GALNT18: variants seen among roughly 807,000 people sequenced by gnomAD.
The protein encoded by GALNT18 is GalNAc-transferase 18.
In GALNT18, 44 loss-of-function variants were observed where a neutral mutation model predicts 69.5. That is an observed-to-expected ratio of 0.63 (90% CI 0.50 to 0.81). The LOEUF is 0.81. Among genes scored for constraint, GALNT18 ranks in the 40% least tolerant of loss-of-function variants. GALNT18 has a pLI of 0.00. For missense variants in GALNT18, 715 were observed against 810.0 expected, an observed-to-expected ratio of 0.88 and a Z score of 1.42; for synonymous variants, 364 against 318.2, an observed-to-expected ratio of 1.14 and a Z score of -1.53.
At chr11:11,547,308 C>T (rs1316922194) in intron 1 of GALNT18, among the ~76,000 whole-genome samples, 1 of 152,160 alleles carries the variant, frequency 6.6e-6, no homozygotes, top group African/African-American at 2.4e-5. Flanking sequence ...TGGAGGCAGC[C>T]ACAGAGGAGC....
intron 1 of GALNT18, among the ~76,000 whole-genome samples, chr11:11,472,893 G>A (rs909188239): frequency 4.6e-5 from 7 of 152,178 alleles, no homozygotes; most frequent in African/African-American, 1.7e-4. Flanking sequence ...TCAGGAGGCT[G>A]AGGTGAGAAG....
chr11:11,560,196 G>GATGGAATAGAA (rs1565012900), intron 1 of GALNT18, among the ~76,000 whole-genome samples: 2 of 120,364 alleles, frequency 1.7e-5, no homozygotes, highest in Non-Finnish European at 3.5e-5. Context: ...GATGGGATGG[G>GATGGAATAGAA]TGAGATAGAA....
At chr11:11,416,418 T>C (rs1312071018) in intron 3 of GALNT18, among the ~76,000 whole-genome samples, 1 of 152,212 alleles carries the variant, frequency 6.6e-6, no homozygotes, top group Non-Finnish European at 1.5e-5. Flanking sequence ...CCAAGGATGC[T>C]GGGAACCTGA....
chr11:11,527,944 G>T (rs1857557597), intron 1 of GALNT18, among the ~76,000 whole-genome samples: 1 of 152,220 alleles, frequency 6.6e-6, no homozygotes, highest in Non-Finnish European at 1.5e-5. Context: ...CTGGATATTT[G>T]CTGAGCATTT....
chr11:11,276,993 C>A (rs1848964057), intron 10 of GALNT18, among the ~76,000 whole-genome samples: 1 of 152,074 alleles, frequency 6.6e-6, no homozygotes, highest in Non-Finnish European at 1.5e-5. Context: ...GTGTCTCTGC[C>A]AGGTTTTGGT....
At position 11,555,577 on chromosome 11, in the gene GALNT18, A is replaced by C. The variant is rs750420309; in HGVS notation, c.235+65782T>G. Among the ~76,000 whole-genome samples the C allele has an allele frequency of 6.6e-6, 1 of 152,210 alleles. No individual in the cohort carries two copies. Among genetic ancestry groups the C allele is most frequent in the Non-Finnish European group, 1.5e-5 (1 of 68,040 alleles). On this transcript the variant is annotated intron_variant, in intron 1 of 10. Coordinates refer to ENST00000227756, the MANE Select transcript of GALNT18 (RefSeq NM_198516.3). The surrounding 1 kb of genome is among the most constrained non-coding windows in gnomAD (Gnocchi z 4.7). ...CTAATCTCCAGAACTATGAGAGAAT[A>C]AATTCCTGTTGTTTTAAGCCACCCA...
chr11:11,513,711 A>G (rs1857209030), intron 1 of GALNT18, among the ~76,000 whole-genome samples: 1 of 152,206 alleles, frequency 6.6e-6, no homozygotes, highest in Non-Finnish European at 1.5e-5. Context: ...ATTTCCCGGG[A>G]CGTTTACATA....
Position 11,315,967 on chromosome 11 carries a change from T to C in GALNT18, c.1512+11119A>G, listed in dbSNP as rs985739525. On this transcript the variant is annotated intron_variant, in intron 9 of 10. Coordinates refer to ENST00000227756, the MANE Select transcript of GALNT18 (RefSeq NM_198516.3). This position sits in a 1 kb window ranked among gnomAD's most constrained non-coding sequence, Gnocchi z 5.6. ...CAGGGCCAGTCCCCGCATCACTCTG[T>C]ACTGACATGAATGGTGGCCCCTGGA... Among the ~76,000 whole-genome samples, 1 of 151,766 alleles carries C rather than the reference T, an allele frequency of 6.6e-6. No individual in the cohort carries two copies.
rs1475681451 is a variant in GALNT18, at chr11:11,591,571, A to G, written c.235+29788T>C. Among the ~76,000 whole-genome samples the G allele has an allele frequency of 6.7e-6, 1 of 150,344 alleles. No homozygotes were observed. On this transcript the variant is annotated intron_variant, in intron 1 of 10. Coordinates refer to ENST00000227756, the MANE Select transcript of GALNT18 (RefSeq NM_198516.3). This position sits in a 1 kb window ranked among gnomAD's most constrained non-coding sequence, Gnocchi z 4.8. ...CTCTTCCTACTTTACATCTCCAACT[A>G]CAGTCATTCTGCCCACAAGGAAAGC...
At position 11,465,244 on chromosome 11, in the gene GALNT18, C is replaced by T. The variant is rs759842505; in HGVS notation, c.236-16308G>A. Among the ~76,000 whole-genome samples the T allele has an allele frequency of 1.2e-4, 18 of 152,044 alleles. No individual in the cohort carries two copies. The highest frequency in any genetic ancestry group is 3.9e-4 in the East Asian group (2 of 5,178). ...GATGTCAAGGAGGCCACATTGGCAC[C>T]GGGAGCTGAATGCCACAGTGGGAGG... On this transcript the variant is annotated intron_variant, in intron 1 of 10. Transcript: ENST00000227756. The surrounding 1 kb of genome is among the most constrained non-coding windows in gnomAD (Gnocchi z 5.7).
At position 11,454,523 on chromosome 11, in the gene GALNT18, T is replaced by A. The variant is rs1855881193; in HGVS notation, c.236-5587A>T. On this transcript the variant is annotated intron_variant, in intron 1 of 10. Coordinates refer to ENST00000227756, the MANE Select transcript of GALNT18 (RefSeq NM_198516.3). The surrounding 1 kb of genome is among the most constrained non-coding windows in gnomAD (Gnocchi z 4.2). ...TTCTTCTTGCCTCTCTCTCTCTCTC[T>A]CTTTCAAATCTCACCAAGTAAGGCT... 6.6e-6 allele frequency among the ~76,000 whole-genome samples: 1 copy of A among 152,078 alleles called. No homozygotes were observed.
Position 11,317,411 on chromosome 11 carries a change from G to A in GALNT18, c.1512+9675C>T, listed in dbSNP as rs7119579. Among the ~76,000 whole-genome samples the A allele has an allele frequency of 4.2e-3, 633 of 152,208 alleles. 2 individuals carry two copies. Among genetic ancestry groups the A allele is most frequent in the African/African-American group, 0.014 (585 of 41,538 alleles). Reference sequence around the variant, plus strand: ...GTTGCTCTACAAAACTATTCCTATCGCTTTTTAATAACAGCCATTTTGACT... The same window carrying A: ...GTTGCTCTACAAAACTATTCCTATCACTTTTTAATAACAGCCATTTTGACT... On this transcript the variant is annotated intron_variant, in intron 9 of 10. Transcript: ENST00000227756.
chr11:11,331,334 A>G (rs893675485), intron 8 of GALNT18, among the ~76,000 whole-genome samples: 3 of 152,124 alleles, frequency 2.0e-5, no homozygotes, highest in East Asian at 1.9e-4. Context: ...GTCTCCTACA[A>G]TCTGGCCTTC....
chr11:11,531,704 G>A (rs1302293027), intron 1 of GALNT18, among the ~76,000 whole-genome samples: 1 of 152,144 alleles, frequency 6.6e-6, no homozygotes, highest in Non-Finnish European at 1.5e-5. Flanking sequence ...CCCTACCCTG[G>A]TAACACTATT....
rs551395851 is a variant in GALNT18, at chr11:11,563,378, C to G, written c.235+57981G>C. The stretch of plus-strand genomic sequence containing the variant: ...GAGGAACAGCCGAGATCTGGACAGA[C>G]AGGGTCTGCTGCCTTTAACTGCATT... On this transcript the variant is annotated intron_variant, in intron 1 of 10. Transcript: ENST00000227756. The surrounding 1 kb of genome is among the most constrained non-coding windows in gnomAD (Gnocchi z 4.6). 6.6e-6 allele frequency among the ~76,000 whole-genome samples: 1 copy of G among 152,352 alleles called. No individual in the cohort carries two copies. Among genetic ancestry groups the G allele is most frequent in the East Asian group, 1.9e-4 (1 of 5,188 alleles).
chr11:11,300,044 C>T (rs1029978648), intron 9 of GALNT18, among the ~76,000 whole-genome samples: 1 of 152,216 alleles, frequency 6.6e-6, no homozygotes, highest in Non-Finnish European at 1.5e-5. Flanking sequence ...CAAGGAGGGC[C>T]TCCCAGGCAA....
At chr11:11,367,088 CTCCTG>C (rs1850789721) in intron 6 of GALNT18, among the ~76,000 whole-genome samples, 1 of 152,182 alleles carries the variant, frequency 6.6e-6, no homozygotes, top group Admixed American at 6.5e-5. Flanking sequence ...GCTTCACTTC[CTCCTG>C]TCCTAGATGT....
chr11:11,314,928 G>A lies in GALNT18; in HGVS notation c.1512+12158C>T, dbSNP rs1187774694. On this transcript the variant is annotated intron_variant, in intron 9 of 10. Transcript: ENST00000227756. The surrounding 1 kb of genome is among the most constrained non-coding windows in gnomAD (Gnocchi z 5.2). Reference sequence around the variant, plus strand: ...TCAACTATTGGTGGTGGGGCCTAGGGATATCTTTACATGTTTGAGCCAAAT... The same window carrying A: ...TCAACTATTGGTGGTGGGGCCTAGGAATATCTTTACATGTTTGAGCCAAAT... Among the ~76,000 whole-genome samples, 1 of 152,164 alleles carries A rather than the reference G, an allele frequency of 6.6e-6. No individual in the cohort carries two copies. Among genetic ancestry groups the A allele is most frequent in the Non-Finnish European group, 1.5e-5 (1 of 68,032 alleles).
chr11:11,419,074 G>A (rs2403518), intron 3 of GALNT18, among the ~76,000 whole-genome samples: 12,758 of 152,152 alleles, frequency 0.084, 572 homozygotes, highest in Middle Eastern at 0.092. Flanking sequence ...GGGCACCGGC[G>A]ATGGAAAACA....
Sources: allele counts gnomAD v4.1 joint callset (sites outside exome capture counted in the v4.1 genomes callset), GRCh38; gene constraint gnomAD v4.1.1; non-coding constraint Gnocchi (gnomAD v3.1); transcripts MANE v1.5; gene names NCBI Gene and HGNC (gene_info 2026-07-23, HGNC 2026-07-21).